Variants in KCNIP4 observed in about 807,000 individuals in gnomAD.
The protein encoded by KCNIP4 is potassium voltage-gated channel interacting protein 4.
In KCNIP4, 12 loss-of-function variants were observed where a neutral mutation model predicts 34.0. The ratio of observed to expected loss-of-function variants is 0.35; its 90% CI spans 0.23 to 0.57. The LOEUF (loss-of-function observed/expected upper bound fraction) is 0.57, where lower values mean the gene tolerates loss of function less well. KCNIP4 is among the 20% of genes least tolerant of loss of function. The pLI, the probability that KCNIP4 is intolerant of heterozygous loss-of-function variation, is 0.83. For missense variants in KCNIP4, 238 were observed against 311.7 expected, an observed-to-expected ratio of 0.76 and a Z score of 1.78; for synonymous variants, 124 against 102.2, an observed-to-expected ratio of 1.21 and a Z score of -1.29.
intron 1 of KCNIP4, among the ~76,000 whole-genome samples, chr4:21,856,437 T>C (rs1367156345): frequency 2.6e-5 from 4 of 152,200 alleles, no homozygotes; most frequent in Non-Finnish European, 5.9e-5. Context: ...GCTGCCATGA[T>C]GCCGCATGCG....
chr4:21,575,039 T>G (rs1472257817), intron 1 of KCNIP4, among the ~76,000 whole-genome samples: 1 of 152,204 alleles, frequency 6.6e-6, no homozygotes, highest in Admixed American at 6.5e-5. Context: ...TTTTAAAAGT[T>G]TGTCAACATA....
At chr4:20,752,082 A>G (rs1218914729) in intron 4 of KCNIP4, among the ~76,000 whole-genome samples, 2 of 144,834 alleles carry the variant, frequency 1.4e-5, no homozygotes, top group Non-Finnish European at 3.0e-5. Flanking sequence ...TTTTGAGACA[A>G]AGTACTGCTC....
intron 1 of KCNIP4, among the ~76,000 whole-genome samples, chr4:21,889,620 G>T (rs1437822367): frequency 6.6e-6 from 1 of 152,046 alleles, no homozygotes; most frequent in Non-Finnish European, 1.5e-5. Flanking sequence ...TACGAAAAGG[G>T]TTTCAATTTG....
At chr4:21,742,041 T>TAAAC (rs560397130) in intron 1 of KCNIP4, among the ~76,000 whole-genome samples, 1 of 151,810 alleles carries the variant, frequency 6.6e-6, no homozygotes, top group Non-Finnish European at 1.5e-5. Flanking sequence ...CATCTCAAAA[T>TAAAC]AAACAAACAA....
At chr4:21,261,314 G>T (rs941796131) in intron 1 of KCNIP4, among the ~76,000 whole-genome samples, 2 of 151,802 alleles carry the variant, frequency 1.3e-5, no homozygotes, top group African/African-American at 4.9e-5. Flanking sequence ...GAGAAAAGGG[G>T]ATACTTTTGA....
chr4:20,732,442 T>C (rs969612470), intron 7 of KCNIP4, among the ~76,000 whole-genome samples: 1 of 152,150 alleles, frequency 6.6e-6, no homozygotes, highest in Non-Finnish European at 1.5e-5. Flanking sequence ...AAAACAAAAC[T>C]TGTGAAACAT....
chr4:21,569,287 A>AGATTTTGTT (rs1560524144), intron 1 of KCNIP4, among the ~76,000 whole-genome samples: 1 of 143,984 alleles, frequency 6.9e-6, no homozygotes, highest in East Asian at 2.2e-4. Flanking sequence ...AAGTAAACCC[A>AGATTTTGTT]GATTTTGTTG....
At chr4:21,467,127 C>A (rs1233681397) in intron 1 of KCNIP4, among the ~76,000 whole-genome samples, 2 of 135,084 alleles carry the variant, frequency 1.5e-5, no homozygotes, top group Non-Finnish European at 3.3e-5. Flanking sequence ...CAAAACAGAA[C>A]ATAATAAAAC....
chr4:21,505,074 T>G (rs1192097568), intron 1 of KCNIP4, among the ~76,000 whole-genome samples: 1 of 152,176 alleles, frequency 6.6e-6, no homozygotes, highest in Non-Finnish European at 1.5e-5. Flanking sequence ...GATGATGGTA[T>G]CATATAGCCT....
chr4:21,523,684 GC>G (rs1184387379), intron 1 of KCNIP4, among the ~76,000 whole-genome samples: 1 of 151,934 alleles, frequency 6.6e-6, no homozygotes, highest in Non-Finnish European at 1.5e-5. Context: ...TGATCCTCCT[GC>G]CTCAGCCTCA....
intron 1 of KCNIP4, among the ~76,000 whole-genome samples, chr4:21,716,757 C>T (rs918334474): frequency 1.3e-5 from 2 of 152,108 alleles, no homozygotes; most frequent in Admixed American, 1.3e-4. Context: ...GGTGACTCAT[C>T]CCATGCTAAA....
chr4:21,215,665 G>A (rs1181651678), intron 1 of KCNIP4, among the ~76,000 whole-genome samples: 1 of 152,138 alleles, frequency 6.6e-6, no homozygotes, highest in Non-Finnish European at 1.5e-5. Context: ...TACAGGATAG[G>A]TACTAGGTCA....
At chr4:21,521,730 C>T (rs1735544435) in intron 1 of KCNIP4, among the ~76,000 whole-genome samples, 1 of 152,110 alleles carries the variant, frequency 6.6e-6, no homozygotes, top group African/African-American at 2.4e-5. Flanking sequence ...ACTGAAATGC[C>T]TTCCTAAGTG....
intron 1 of KCNIP4, among the ~76,000 whole-genome samples, chr4:21,193,393 G>T (rs957164218): frequency 1.3e-5 from 2 of 151,986 alleles, no homozygotes; most frequent in African/African-American, 2.4e-5. Flanking sequence ...TTACTTGCTA[G>T]CTGGCACAGT....
At chr4:21,740,505 T>C (rs1235272783) in intron 1 of KCNIP4, among the ~76,000 whole-genome samples, 3 of 152,116 alleles carry the variant, frequency 2.0e-5, no homozygotes, top group Non-Finnish European at 4.4e-5. Context: ...TATTCAGTGG[T>C]AAGCAATCAG....
chr4:20,972,161 A>G (rs1172255821), intron 1 of KCNIP4, among the ~76,000 whole-genome samples: 1 of 152,206 alleles, frequency 6.6e-6, no homozygotes, highest in Non-Finnish European at 1.5e-5. Flanking sequence ...ACCCCTCAAA[A>G]TCATTCATGA....
At chr4:21,172,391 G>A (rs1754078952) in intron 1 of KCNIP4, among the ~76,000 whole-genome samples, 1 of 152,200 alleles carries the variant, frequency 6.6e-6, no homozygotes, top group Non-Finnish European at 1.5e-5. Context: ...GTGTGAGATA[G>A]AAAGTAACCT....
chr4:20,911,122 A>C (rs1338769358), intron 1 of KCNIP4, among the ~76,000 whole-genome samples: 1 of 152,196 alleles, frequency 6.6e-6, no homozygotes, highest in Non-Finnish European at 1.5e-5. Flanking sequence ...GTTTTAGCTG[A>C]ATTGTCTGTT....
chr4:21,439,675 C>A (rs1727278024), intron 1 of KCNIP4, among the ~76,000 whole-genome samples: 1 of 152,186 alleles, frequency 6.6e-6, no homozygotes, highest in East Asian at 1.9e-4. Context: ...TCCCTTCTCC[C>A]TTCTTCTTGC....
Sources: allele counts gnomAD v4.1 joint callset (sites outside exome capture counted in the v4.1 genomes callset), GRCh38; gene constraint gnomAD v4.1.1; transcripts MANE v1.5; gene names NCBI Gene and HGNC (gene_info 2026-07-23, HGNC 2026-07-21).